The following RASGRP3 variants were observed in gnomAD, a reference collection of about 807,000 sequenced individuals.
The protein encoded by RASGRP3 is ras guanyl-releasing protein 3.
A neutral mutation model predicts 82.7 loss-of-function variants in RASGRP3; 54 were observed. The ratio of observed to expected loss-of-function variants is 0.65; its 90% CI spans 0.52 to 0.82. The LOEUF (loss-of-function observed/expected upper bound fraction) is 0.82. Among genes scored for constraint, RASGRP3 ranks in the 40% least tolerant of loss-of-function variants. The pLI, the probability that RASGRP3 is intolerant of heterozygous loss-of-function variation, is 0.00. For synonymous variants in RASGRP3, 309 were observed against 300.5 expected (o/e 1.03, Z -0.29); for missense variants, 861 against 828.9 (o/e 1.04, Z -0.48).
At chr2:33,525,979 C>G (rs1172428798) in intron 9 of RASGRP3, among the ~76,000 whole-genome samples, 4 of 152,210 alleles carry the variant, frequency 2.6e-5, no homozygotes, top group Non-Finnish European at 4.4e-5. Context: ...AACTGTTTCT[C>G]TCCTAATTGG....
chr2:33,479,289 T>C (rs1574291465), intron 1 of RASGRP3, among the ~76,000 whole-genome samples: 2 of 152,136 alleles, frequency 1.3e-5, no homozygotes, highest in East Asian at 3.9e-4. Flanking sequence ...TCAGTGACGG[T>C]CTTGATGTTG....
Position 33,534,399 on chromosome 2 carries a change from C to A in RASGRP3, c.1160C>A (p.Ser387Ter). Residue 387 changes from serine (S) to a stop codon, truncating the protein, a stop_gained and splice_region_variant, in exon 11 of 18, where the codon TCG (serine) becomes TAG (stop). Coordinates refer to ENST00000403687, the MANE Select transcript of RASGRP3 (RefSeq NM_001139488.2). LOFTEE classifies it high-confidence loss of function. ...SLVLEPRNSK[S>*]QPTSPTTPNK... is the part of the protein sequence containing the mutation. ...GTGCTGGAGCCTAGAAATTCTAAAT[C>A]GGTAGGTATTATTTTCTCTCCAAGG... The A allele has an allele frequency of 6.5e-7, 1 of 1,539,460 alleles. No homozygotes were observed. Among genetic ancestry groups the A allele is most frequent in the Non-Finnish European group, 8.9e-7 (1 of 1,117,592 alleles).
chr2:33,447,985 C>G (rs1015515478), intron 2 of RASGRP3: 1 of 152,188 alleles, frequency 6.6e-6, no homozygotes, highest in African/African-American at 2.4e-5. Context: ...TCTCAAGTCT[C>G]TTTCAGATTT....
upstream of RASGRP3, among the ~76,000 whole-genome samples, chr2:33,472,806 T>G (rs572172122): frequency 2.8e-5 from 4 of 145,286 alleles, no homozygotes; most frequent in East Asian, 8.2e-4. Context: ...AACATGAAAA[T>G]TGCCGGGCGC....
At chr2:33,473,881 A>C (rs567939533), upstream of RASGRP3, among the ~76,000 whole-genome samples, 1 of 152,306 alleles carries the variant, frequency 6.6e-6, no homozygotes, top group South Asian at 2.1e-4. Flanking sequence ...ATGGACCGGG[A>C]ATGAGGGGAT....
chr2:33,538,182 A>T (rs1390903384), intron 11 of RASGRP3, among the ~76,000 whole-genome samples: 4 of 152,156 alleles, frequency 2.6e-5, no homozygotes, highest in Non-Finnish European at 5.9e-5. Context: ...ATGGACTGGG[A>T]GCGCATTGCT....
At chr2:33,528,133 A>G (rs1399333191) in intron 10 of RASGRP3, among the ~76,000 whole-genome samples, 1 of 152,150 alleles carries the variant, frequency 6.6e-6, no homozygotes, top group African/African-American at 2.4e-5. Flanking sequence ...CATCTGTCAC[A>G]TCACCCTGGC....
Position 33,558,814 on chromosome 2 carries a change from T to G in RASGRP3, c.1848T>G (p.Thr616=). The change falls in exon 17 of 18, where the codon ACT becomes ACG. Residue 616 remains threonine (T), a synonymous_variant. Coordinates refer to ENST00000403687, the MANE Select transcript of RASGRP3 (RefSeq NM_001139488.2). ...CCACCACCAGCCAGGCCACCCAGAC[T>G]GAACCTGTCTGGTCAGAGGCTGGCT... is the stretch of plus-strand genomic sequence containing the variant. The part of the protein sequence containing the change: ...QRATTSQATQ[T]EPVWSEAGWG... 1.2e-6 allele frequency: 2 copies of G among 1,614,030 alleles called. No homozygotes were observed. Among genetic ancestry groups the G allele is most frequent in the Non-Finnish European group, 1.7e-6 (2 of 1,179,888 alleles).
chr2:33,436,875 T>TGA (rs1426789374), intron 1 of RASGRP3, among the ~76,000 whole-genome samples: 1 of 152,208 alleles, frequency 6.6e-6, no homozygotes, highest in African/African-American at 2.4e-5. Context: ...ATTTCATTGA[T>TGA]GATCACCTTT....
chr2:33,494,876 A>G (rs1669172609), intron 1 of RASGRP3, among the ~76,000 whole-genome samples: 1 of 152,230 alleles, frequency 6.6e-6, no homozygotes, highest in African/African-American at 2.4e-5. Flanking sequence ...CATTTAGAGG[A>G]TATTACAAGT....
At chr2:33,471,173 T>A (rs1172006170) in intron 2 of RASGRP3, among the ~76,000 whole-genome samples, 4 of 151,640 alleles carry the variant, frequency 2.6e-5, no homozygotes, top group African/African-American at 9.7e-5. Context: ...TATCAAATGA[T>A]TTTTCAAGAT....
chr2:33,440,043 T>G (rs905081969), intron 1 of RASGRP3, among the ~76,000 whole-genome samples: 1 of 152,102 alleles, frequency 6.6e-6, no homozygotes, highest in African/African-American at 2.4e-5. Flanking sequence ...GGATGTTATG[T>G]TTTATGGCTC....
intron 1 of RASGRP3, among the ~76,000 whole-genome samples, chr2:33,445,509 C>T (rs1462551376): frequency 1.3e-5 from 2 of 151,916 alleles, no homozygotes; most frequent in African/African-American, 4.8e-5. Context: ...TTTTCTTGGC[C>T]CTCTGAATTC....
In RASGRP3 at chr2:33,518,673, C is replaced by A. The variant is rs1425055234; in HGVS notation, c.174-1279C>A. Reference sequence around the variant, plus strand: ...CACTGCTGTAAAAAATATTTTCTTTCTTAATATCTTTATTCTACAAACTTA... The same window carrying A: ...CACTGCTGTAAAAAATATTTTCTTTATTAATATCTTTATTCTACAAACTTA... On this transcript the variant is annotated intron_variant, in intron 4 of 17. Coordinates refer to ENST00000403687, the MANE Select transcript of RASGRP3 (RefSeq NM_001139488.2). 3.3e-5 allele frequency among the ~76,000 whole-genome samples: 5 copies of A among 152,122 alleles called. No individual in the cohort carries two copies. The South Asian group carries it at 8.3e-4, about 25-fold the overall frequency.
At chr2:33,554,690 G>T (rs1243662405) in intron 14 of RASGRP3, among the ~76,000 whole-genome samples, 4 of 152,034 alleles carry the variant, frequency 2.6e-5, no homozygotes, top group African/African-American at 9.7e-5. Context: ...AGCCAGGATG[G>T]TCTCGATCTC....
intron 12 of RASGRP3, among the ~76,000 whole-genome samples, chr2:33,542,775 C>T (rs1451194773): frequency 8.3e-6 from 1 of 120,282 alleles, no homozygotes; most frequent in African/African-American, 2.6e-5. Flanking sequence ...CCTCCTCCTC[C>T]CAGGTTCAAG....
At chr2:33,500,311 A>G (rs537270523) in intron 1 of RASGRP3, among the ~76,000 whole-genome samples, 35 of 152,262 alleles carry the variant, frequency 2.3e-4, no homozygotes, top group African/African-American at 7.7e-4. Context: ...TCCGCAATCA[A>G]TCTGATAATT....
chr2:33,551,345 T>G (rs1675339491), intron 14 of RASGRP3, among the ~76,000 whole-genome samples: 1 of 151,946 alleles, frequency 6.6e-6, no homozygotes, highest in Non-Finnish European at 1.5e-5. Flanking sequence ...TTTTTCATGT[T>G]TCTCTATTCT....
exon 1 of RASGRP3, chr2:33,436,436 C>T (rs1574201571): frequency 2.6e-5 from 4 of 152,268 alleles, no homozygotes; most frequent in Admixed American, 2.6e-4. Flanking sequence ...CACTTTTGAA[C>T]TAGATTTGGG....
Sources: gnomAD v4.1 joint callset for allele counts (sites outside exome capture counted in the v4.1 genomes callset) on GRCh38, gnomAD v4.1.1 for gene constraint, MANE v1.5 for transcripts, NCBI Gene and HGNC (gene_info 2026-07-23, HGNC 2026-07-21) for gene names.